The following SFSWAP variants were observed in gnomAD, a reference collection of about 807,000 sequenced individuals.
SFSWAP encodes splicing factor SWAP.
Under a neutral mutation model 100.7 loss-of-function variants are expected in SFSWAP, and 17 were observed. The observed-to-expected ratio is 0.17, with a 90% CI of 0.12 to 0.25. SFSWAP has a LOEUF of 0.25. Ranked by LOEUF, SFSWAP falls within the 10% of genes least tolerant of loss-of-function variation. The probability of loss-of-function intolerance (pLI) is 1.00; values close to 1 mark genes in which losing one functional copy is unlikely to be tolerated. For synonymous variants in SFSWAP, 504 were observed against 510.1 expected, an observed-to-expected ratio of 0.99 and a Z score of 0.16; for missense variants, 1,005 against 1,262.6, an observed-to-expected ratio of 0.80 and a Z score of 3.09.
chr12:131,780,621 G>A (rs35769880), intron 14 of SFSWAP, among the ~76,000 whole-genome samples: 26,954 of 152,150 alleles, frequency 0.18, 3,133 homozygotes, highest in Non-Finnish European at 0.26. Flanking sequence ...CTATGATCAC[G>A]CCACTGCACT....
chr12:131,779,960 T>C (rs1187154149), intron 14 of SFSWAP, among the ~76,000 whole-genome samples: 1 of 152,128 alleles, frequency 6.6e-6, no homozygotes, highest in Non-Finnish European at 1.5e-5. Flanking sequence ...CTAATTTTGT[T>C]TTTTTAGTAG....
At chr12:131,790,973 T>C (rs1885191999) in intron 15 of SFSWAP, among the ~76,000 whole-genome samples, 1 of 151,972 alleles carries the variant, frequency 6.6e-6, no homozygotes, top group African/African-American at 2.4e-5. Context: ...AAAGGGCAGG[T>C]GGGGGAAAGA....
At position 131,725,453 on chromosome 12, in the gene SFSWAP, G is replaced by T. The variant is rs748745315; in HGVS notation, c.655G>T (p.Val219Leu). 1 of 1,614,160 alleles carries T rather than the reference G, an allele frequency of 6.2e-7. No homozygotes were observed. The change falls in exon 5 of 18, where the codon GTG becomes TTG. Residue 219 changes from valine (V) to leucine (L), a missense_variant. Val to Leu is a conservative substitution (Grantham distance 32, BLOSUM62 1). Transcript: ENST00000261674. This position sits in a 1 kb window ranked among gnomAD's most constrained non-coding sequence, Gnocchi z 4.3. ...HAIIERTASFVCRQGAQFEIM... is the reference protein window; with the variant it reads ...HAIIERTASFLCRQGAQFEIM... Reference sequence around the variant, plus strand: ...CATCATCGAGCGCACGGCCAGCTTCGTGTGCAGGCAGGGAGCACAGTTTGA... The same window carrying T: ...CATCATCGAGCGCACGGCCAGCTTCTTGTGCAGGCAGGGAGCACAGTTTGA...
chr12:131,723,635 C>T (rs1426453376), intron 4 of SFSWAP, among the ~76,000 whole-genome samples: 1 of 152,150 alleles, frequency 6.6e-6, no homozygotes, highest in Non-Finnish European at 1.5e-5. Context: ...GCTAATTTCC[C>T]CTCTTCATGT....
chr12:131,779,252 G>GGCGCGGGTGAGCGTGTGTGAAGAGGGCA (rs1884293847), intron 14 of SFSWAP, among the ~76,000 whole-genome samples: 1 of 148,418 alleles, frequency 6.7e-6, no homozygotes, highest in Admixed American at 6.7e-5. Flanking sequence ...TGAAGAGGGC[G>GGCGCGGGTGAGCGTGTGTGAAGAGGGCA]GCGCGGGTGA....
chr12:131,795,726 A>G (rs1885590913), intron 15 of SFSWAP, among the ~76,000 whole-genome samples: 1 of 151,676 alleles, frequency 6.6e-6, no homozygotes, highest in Non-Finnish European at 1.5e-5. Context: ...GCTTCGTGGC[A>G]CGCAGAATCA....
rs777610140 is a variant in SFSWAP, at chr12:131,739,536, CTTTTTTTTTT to C, written c.1081+11127_1081+11136del. Among the ~76,000 whole-genome samples the C allele has an allele frequency of 7.1e-3, 432 of 60,864 alleles. 2 individuals are homozygous for C. The highest frequency in any genetic ancestry group is 0.023 in the African/African-American group (362 of 15,564). The allele number at this position is 60,864 out of a possible 152,430, so 39.9% of individuals were successfully genotyped here. ...TTTGCATTCTATTATTCCCCAGTTGCTTTTTTTTTTTTTTTTTTTTTTTTTTTTGGATGGA... is the reference window on the plus strand; with the variant it reads ...TTTGCATTCTATTATTCCCCAGTTGCTTTTTTTTTTTTTTTTTTGGATGGA... On this transcript the variant is annotated intron_variant, in intron 7 of 17. Coordinates refer to ENST00000261674, the MANE Select transcript of SFSWAP (RefSeq NM_004592.4).
chr12:131,787,830 T>C (rs1041788716), intron 15 of SFSWAP, among the ~76,000 whole-genome samples: 5 of 152,174 alleles, frequency 3.3e-5, no homozygotes, highest in Non-Finnish European at 5.9e-5. Flanking sequence ...GCGGTTGGCC[T>C]AGTACCACGG....
intron 13 of SFSWAP, among the ~76,000 whole-genome samples, chr12:131,769,811 T>G (rs1262007715): frequency 6.6e-6 from 1 of 152,258 alleles, no homozygotes; most frequent in African/African-American, 2.4e-5. Flanking sequence ...GTATTTTTAG[T>G]AGAGACGGGG....
intron 7 of SFSWAP, among the ~76,000 whole-genome samples, chr12:131,746,340 G>A (rs1287600562): frequency 6.6e-6 from 1 of 152,206 alleles, no homozygotes; most frequent in Non-Finnish European, 1.5e-5. Flanking sequence ...GTAGACTCAT[G>A]TAATGGTGCC....
rs893734462 is a variant in SFSWAP at position 131,734,741 on chromosome 12, A to G, written c.1081+6313A>G. 6.6e-6 allele frequency among the ~76,000 whole-genome samples: 1 copy of G among 152,188 alleles called. No homozygotes were observed. The highest frequency in any genetic ancestry group is 2.4e-5 in the African/African-American group (1 of 41,446). ...CACCTGGTGCTTCCTGGGAGAAGTC[A>G]CCTGCACAGGTACCTTGGATCCAAC... On this transcript the variant is annotated intron_variant, in intron 7 of 17. Coordinates refer to ENST00000261674, the MANE Select transcript of SFSWAP (RefSeq NM_004592.4). The surrounding 1 kb of genome is among the most constrained non-coding windows in gnomAD (Gnocchi z 4.9).
At position 131,725,130 on chromosome 12, in the gene SFSWAP, A is replaced by G. The variant is rs1243278599; in HGVS notation, c.607-275A>G. Among the ~76,000 whole-genome samples the G allele has an allele frequency of 3.3e-5, 5 of 152,186 alleles. No homozygotes were observed. The highest frequency in any genetic ancestry group is 2.1e-4 in the South Asian group (1 of 4,830). ...CCATCATAGAGCTGAACTTAAATAT[A>G]TAGAAAAATGTTGACTTGGTGCACA... On this transcript the variant is annotated intron_variant, in intron 4 of 17. Transcript: ENST00000261674. This position sits in a 1 kb window ranked among gnomAD's most constrained non-coding sequence, Gnocchi z 4.3.
In SFSWAP at chr12:131,766,139, G is replaced by A; in HGVS notation, c.1973G>A (p.Arg658His). 3 of 1,611,300 alleles carry A rather than the reference G, an allele frequency of 1.9e-6. No homozygotes were observed. The highest frequency in any genetic ancestry group is 1.3e-5 in the African/African-American group (1 of 74,636). Reference sequence around the variant, plus strand: ...TAAGCAAAGCAAAAGCTGGAAGATCGCCTCGCAGCTGCTGCCCGGGAAAAG... The same window carrying A: ...TAAGCAAAGCAAAAGCTGGAAGATCACCTCGCAGCTGCTGCCCGGGAAAAG... ...AKQAKQKLED[R>H]LAAAAREKLA... Residue 658 changes from arginine to histidine, a missense_variant, in exon 13 of 18, where the codon CGC (arginine) becomes CAC (histidine). Physicochemically the swap from Arg to His is conservative, Grantham distance 29. Coordinates refer to ENST00000261674, the MANE Select transcript of SFSWAP (RefSeq NM_004592.4).
At chr12:131,713,972 GTA>G (rs777973379) in intron 1 of SFSWAP, 97 bp from the exon 2 acceptor site, 8 of 717,966 alleles carry the variant, frequency 1.1e-5, no homozygotes, top group South Asian at 3.1e-5. Flanking sequence ...TAATCGGTAA[GTA>G]TGTGTGTGTA....
intron 7 of SFSWAP, among the ~76,000 whole-genome samples, chr12:131,740,893 G>C (rs191133964): frequency 1.3e-5 from 2 of 151,640 alleles, no homozygotes; most frequent in East Asian, 3.9e-4. Flanking sequence ...GTAGACCCAT[G>C]AGTGTGGCAG....
At chr12:131,755,269 A>G in intron 9 of SFSWAP, 117 bp from the exon 10 acceptor site, 2 of 725,076 alleles carry the variant, frequency 2.8e-6, no homozygotes, top group Non-Finnish European at 2.3e-6. Context: ...AGTAGCTAAA[A>G]CAGTAACCAC....
chr12:131,740,966 CTTTTTTTTT>C (rs60047663), intron 7 of SFSWAP, among the ~76,000 whole-genome samples: 11 of 70,146 alleles, frequency 1.6e-4, no homozygotes, highest in African/African-American at 6.4e-4. Flanking sequence ...TCTTTTTTTT[CTTTTTTTTT>C]TTTTTTTTTT....
chr12:131,778,922 T>C lies in SFSWAP; in HGVS notation c.2408+592T>C, dbSNP rs1884241562. On this transcript the variant is annotated intron_variant, in intron 14 of 17. Coordinates refer to ENST00000261674, the MANE Select transcript of SFSWAP (RefSeq NM_004592.4). This position sits in a 1 kb window ranked among gnomAD's most constrained non-coding sequence, Gnocchi z 4.2. ...GCAAGCCTACCACATTTGCCGATTG[T>C]GTGAAAGATTCACAGGGTGGTGTGC... is the stretch of plus-strand genomic sequence containing the variant. Among the ~76,000 whole-genome samples, 1 of 152,020 alleles carries C rather than the reference T, an allele frequency of 6.6e-6. No individual in the cohort carries two copies. Among genetic ancestry groups the C allele is most frequent in the African/African-American group, 2.4e-5 (1 of 41,424 alleles).
Position 131,786,710 on chromosome 12 carries a change from C to CCCCCACCA in SFSWAP, c.2534+127_2534+134dup, listed in dbSNP as rs1248707667. ...GGATGACCAGAGGGAGGTGCTGAGT[C>CCCCCACCA]CCCCACCACCCCCCCACCCCCAGTG... On this transcript the variant is annotated intron_variant, in intron 15 of 17. Coordinates refer to ENST00000261674, the MANE Select transcript of SFSWAP (RefSeq NM_004592.4). 1.1e-5 allele frequency: 10 copies of CCCCCACCA among 949,132 alleles called. 1 individual carries two copies. The highest frequency in any genetic ancestry group is 1.5e-6 in the Non-Finnish European group (1 of 646,570). 58.8% of individuals were successfully genotyped at this position (949,132 alleles called of 1,614,324 possible).
Sources: gnomAD v4.1 joint callset for allele counts (sites outside exome capture counted in the v4.1 genomes callset) on GRCh38, gnomAD v4.1.1 for gene constraint, Gnocchi (gnomAD v3.1) non-coding constraint, MANE v1.5 for transcripts, NCBI Gene and HGNC (gene_info 2026-07-23, HGNC 2026-07-21) for gene names.